Variants in TFDP2 observed in about 807,000 individuals in gnomAD.
TFDP2 encodes transcription factor Dp-2 (E2F dimerization partner 2).
A neutral mutation model predicts 59.3 loss-of-function variants in TFDP2; 17 were observed. The ratio of observed to expected loss-of-function variants is 0.29; its 90% confidence interval spans 0.20 to 0.43. The LOEUF is 0.43. Ranked by LOEUF, TFDP2 falls within the 20% of genes least tolerant of loss-of-function variation. The pLI is 1.00. For synonymous variants in TFDP2, 180 were observed against 194.7 expected (o/e 0.92, Z 0.63); for missense variants, 391 against 528.8 (o/e 0.74, Z 2.56).
chr3:142,113,913 C>T (rs2061751612), intron 1 of TFDP2, among the ~76,000 whole-genome samples: 1 of 152,028 alleles, frequency 6.6e-6, no homozygotes. Flanking sequence ...GCCTGTAATC[C>T]CAGCACTTTC....
At chr3:142,026,287 A>G (rs1946085195) in intron 3 of TFDP2, among the ~76,000 whole-genome samples, 1 of 152,114 alleles carries the variant, frequency 6.6e-6, no homozygotes, top group African/African-American at 2.4e-5. Context: ...CCTGGGACGC[A>G]GAGCTTGCAG....
chr3:141,976,900 C>T (rs1940721366), intron 7 of TFDP2, among the ~76,000 whole-genome samples: 1 of 151,282 alleles, frequency 6.6e-6, no homozygotes, highest in South Asian at 2.1e-4. Context: ...ATCATATTCT[C>T]TGGACAAATT....
intron 6 of TFDP2, among the ~76,000 whole-genome samples, chr3:141,990,605 GTTTC>G (rs377273661): frequency 1.1e-3 from 162 of 152,108 alleles, no homozygotes; most frequent in African/African-American, 3.8e-3. Context: ...CTTCCTCCTG[GTTTC>G]TTTGTTTGGT....
At chr3:142,009,695 A>G (rs191572354) in intron 3 of TFDP2, among the ~76,000 whole-genome samples, 23 of 151,418 alleles carry the variant, frequency 1.5e-4, no homozygotes, top group South Asian at 4.2e-4. Context: ...GGGCAACAAC[A>G]GAGCAAGACT....
At position 141,947,542 on chromosome 3, in the gene TFDP2, G is replaced by T. The variant is rs1368826900; in HGVS notation, c.*4971C>A. On this transcript the variant is annotated 3_prime_UTR_variant, in exon 13 of 13. Transcript: ENST00000489671. Reference sequence around the variant, plus strand: ...TGATTCTCCTGCCTCAGCCTCCCGAGTAGCTGGGACTACAGGCATGTGCCA... The same window carrying T: ...TGATTCTCCTGCCTCAGCCTCCCGATTAGCTGGGACTACAGGCATGTGCCA... The T allele has an allele frequency of 6.6e-6, 1 of 152,172 alleles. No individual in the cohort carries two copies. The allele number at this position is 152,172 out of a possible 1,614,324, so 9.4% of individuals were successfully genotyped here. A position where few individuals can be genotyped will look rare whatever the true frequency, so the allele number is the denominator to read the frequency against.
At chr3:142,127,483 T>C (rs971965252) in intron 1 of TFDP2, among the ~76,000 whole-genome samples, 1 of 151,814 alleles carries the variant, frequency 6.6e-6, no homozygotes, top group Non-Finnish European at 1.5e-5. Flanking sequence ...ATTTTTGTAA[T>C]TTTTGTAAAA....
chr3:142,085,420 T>A (rs1332779363), intron 3 of TFDP2, among the ~76,000 whole-genome samples: 1 of 149,922 alleles, frequency 6.7e-6, no homozygotes, highest in East Asian at 1.9e-4. Flanking sequence ...CAAAAAATTT[T>A]AAAAATTTTT....
At chr3:141,968,647 CAT>C (rs1194782062) in intron 9 of TFDP2, among the ~76,000 whole-genome samples, 5 of 100,422 alleles carry the variant, frequency 5.0e-5, no homozygotes, top group East Asian at 2.7e-4. Context: ...ATATATATCT[CAT>C]ATATAGATAT....
chr3:142,022,143 C>T lies in TFDP2; in HGVS notation c.83-16599G>A, dbSNP rs982458185. On this transcript the variant is annotated intron_variant, in intron 3 of 12. Transcript: ENST00000489671. The stretch of plus-strand genomic sequence containing the variant: ...ACAACTTGATCCTCCCAATCCTTCC[C>T]GGCAGTTCTTCCCAAATATGAGTGA... 2.6e-5 allele frequency among the ~76,000 whole-genome samples: 4 copies of T among 152,108 alleles called. No homozygotes were observed. The East Asian group carries it at 7.7e-4, about 29-fold the overall frequency.
chr3:141,991,562 C>T (rs1369970815), intron 6 of TFDP2, among the ~76,000 whole-genome samples: 7 of 151,170 alleles, frequency 4.6e-5, no homozygotes, highest in Non-Finnish European at 7.4e-5. Flanking sequence ...AGTTAAAGAC[C>T]AGCCTGGCCA....
chr3:142,107,069 T>C (rs2061496936), intron 1 of TFDP2, among the ~76,000 whole-genome samples: 1 of 152,154 alleles, frequency 6.6e-6, no homozygotes, highest in African/African-American at 2.4e-5. Flanking sequence ...ACTCATAATT[T>C]AGAAAATACA....
At chr3:141,968,435 T>TATATATAACATATATATC (rs1559937556) in intron 9 of TFDP2, among the ~76,000 whole-genome samples, 1 of 87,212 alleles carries the variant, frequency 1.1e-5, no homozygotes, top group African/African-American at 5.1e-5. Flanking sequence ...CATATATAGA[T>TATATATAACATATATATC]ATATATAACA....
At chr3:142,000,249 C>A in intron 4 of TFDP2, 1 of 701,876 alleles carries the variant, frequency 1.4e-6, no homozygotes, top group South Asian at 1.5e-5. Context: ...ATTTATTGCT[C>A]ACTGTTCTGG....
intron 3 of TFDP2, among the ~76,000 whole-genome samples, chr3:142,087,998 C>T (rs567990527): frequency 6.6e-6 from 1 of 152,258 alleles, no homozygotes; most frequent in African/African-American, 2.4e-5. Context: ...AGTCCTATAC[C>T]CTGATATACA....
At chr3:142,091,144 A>G (rs2060984231) in intron 3 of TFDP2, among the ~76,000 whole-genome samples, 1 of 152,182 alleles carries the variant, frequency 6.6e-6, no homozygotes, top group African/African-American at 2.4e-5. Context: ...TGAAGCTTTT[A>G]GGTAGCTTAA....
intron 3 of TFDP2, chr3:142,043,646 T>C: frequency 2.2e-6 from 2 of 913,382 alleles, no homozygotes; most frequent in Non-Finnish European, 3.7e-6. Context: ...TCTTCCTCCT[T>C]AGACAAAGTC....
Position 142,053,558 on chromosome 3 carries a change from C to A in TFDP2, c.82+39503G>T, listed in dbSNP as rs1250395293. 2.0e-5 allele frequency among the ~76,000 whole-genome samples: 3 copies of A among 152,132 alleles called. No homozygotes were observed. The East Asian group carries it at 5.8e-4, about 29-fold the overall frequency. Reference sequence around the variant, plus strand: ...CTGCCTCATGAGTCCTTTATAGCAACATAAACAGACTGATGTATCAAGATA... The same window carrying A: ...CTGCCTCATGAGTCCTTTATAGCAAAATAAACAGACTGATGTATCAAGATA... On this transcript the variant is annotated intron_variant, in intron 3 of 12. Transcript: ENST00000489671.
At position 141,978,655 on chromosome 3, in the gene TFDP2, A is replaced by G. The variant is rs1465759508; in HGVS notation, c.384T>C (p.Asn128=). The change falls in exon 7 of 13, where the codon AAT becomes AAC. Residue 128 remains asparagine (N), a synonymous_variant. Transcript: ENST00000489671. Reference sequence around the variant, plus strand: ...TTGAAAAGTGTCTCAAGCCTTTCCCATTTTTATCTCCTTTTTTGCTTCGTT... The same window carrying G: ...TTGAAAAGTGTCTCAAGCCTTTCCCGTTTTTATCTCCTTTTTTGCTTCGTT... ...ESKRSKKGDK[N]GKGLRHFSMK... is the part of the protein sequence containing the mutation. 3 of 1,609,300 alleles carry G rather than the reference A, an allele frequency of 1.9e-6. No individual in the cohort carries two copies. Among genetic ancestry groups the G allele is most frequent in the South Asian group, 1.1e-5 (1 of 89,798 alleles).
At chr3:142,007,237 A>C (rs1422473624) in intron 3 of TFDP2, among the ~76,000 whole-genome samples, 1 of 152,052 alleles carries the variant, frequency 6.6e-6, no homozygotes, top group Non-Finnish European at 1.5e-5. Context: ...CCCTAATTCC[A>C]CATATAAAAA....
Sources: gnomAD v4.1 joint callset for allele counts (sites outside exome capture counted in the v4.1 genomes callset) on GRCh38, gnomAD v4.1.1 for gene constraint, MANE v1.5 for transcripts, NCBI Gene and HGNC (gene_info 2026-07-23, HGNC 2026-07-21) for gene names.